ZNF519: variants seen among roughly 807,000 people sequenced by gnomAD.
ZNF519 encodes similar to Zinc finger protein 85 (Zinc finger protein HPF4) (HTF1).
A neutral mutation model predicts 7.4 loss-of-function variants in ZNF519; 7 were observed. The ratio of observed to expected loss-of-function variants is 0.94; its 90% CI spans 0.54 to 1.77. ZNF519 has a LOEUF of 1.77. Ranked by LOEUF, ZNF519 falls within the 40% of genes most tolerant of loss-of-function variation. The pLI is 0.00. For missense variants in ZNF519, 586 were observed against 623.1 expected, an observed-to-expected ratio of 0.94 and a Z score of 0.63; for synonymous variants, 179 against 203.3, an observed-to-expected ratio of 0.88 and a Z score of 1.02.
In ZNF519 at chr18:14,120,355, A is replaced by G. The variant is rs1182418722; in HGVS notation, c.130+3995T>C. ...AAACTAGATATCCACAAGCAAAAGA[A>G]TATAATTAGATTATTTTCTTTGACC... On this transcript the variant is annotated intron_variant, in intron 2 of 2. Coordinates refer to ENST00000590202, the MANE Select transcript of ZNF519 (RefSeq NM_145287.4). 2.0e-5 allele frequency among the ~76,000 whole-genome samples: 3 copies of G among 152,146 alleles called. 1 individual carries two copies. In the South Asian group the frequency reaches 6.2e-4, roughly 32 times the overall value.
chr18:14,079,306 G>A (rs1032992583), intron 3 of ZNF519, among the ~76,000 whole-genome samples: 2 of 152,168 alleles, frequency 1.3e-5, no homozygotes, highest in Non-Finnish European at 2.9e-5. Flanking sequence ...TCATAGATAG[G>A]AAGACAATAT....
At position 14,105,095 on chromosome 18, in the gene ZNF519, T is replaced by C; in HGVS notation, c.1445A>G (p.His482Arg). 3 of 1,612,930 alleles carry C rather than the reference T, an allele frequency of 1.9e-6. No individual in the cohort carries two copies. Among genetic ancestry groups the C allele is most frequent in the Non-Finnish European group, 2.5e-6 (3 of 1,179,520 alleles). The part of the protein sequence containing the change: ...GSHLTQHQRV[H>R]TGEKFFKCKE... ...ACATTTGAAGAATTTCTCTCCAGTA[T>C]GGACTCTCTGATGTTGAGTAAGGTG... The change falls in exon 3 of 3, where the codon CAT becomes CGT. Residue 482 changes from histidine (H) to arginine (R), a missense_variant. Physicochemically the swap from His to Arg is conservative, Grantham distance 29. Transcript: ENST00000590202.
At chr18:14,116,004 T>C (rs1365481742) in intron 2 of ZNF519, among the ~76,000 whole-genome samples, 3 of 152,244 alleles carry the variant, frequency 2.0e-5, no homozygotes, top group Admixed American at 6.5e-5. Flanking sequence ...GTTTGTTATA[T>C]AGGTAAACTT....
At chr18:14,072,129 T>C (rs1198469140), downstream of ZNF519, 7 of 152,210 alleles carry the variant, frequency 4.6e-5, no homozygotes, top group Non-Finnish European at 1.0e-4. Context: ...CTTATGTGGT[T>C]TGCAATAATT....
downstream of ZNF519, among the ~76,000 whole-genome samples, chr18:14,099,651 C>T (rs2046151151): frequency 6.6e-6 from 1 of 152,154 alleles, no homozygotes; most frequent in African/African-American, 2.4e-5. Flanking sequence ...GATATTTTAA[C>T]ACAAAAGGAG....
At chr18:14,092,752 C>T (rs1012771724) in intron 2 of ZNF519, among the ~76,000 whole-genome samples, 3 of 152,182 alleles carry the variant, frequency 2.0e-5, no homozygotes, top group African/African-American at 7.2e-5. Flanking sequence ...ATTCTCTCCT[C>T]GACCGAGTTC....
chr18:14,074,518 C>T (rs74495233), downstream of ZNF519: 6,266 of 154,238 alleles, frequency 0.041, 152 homozygotes, highest in East Asian at 0.13. Flanking sequence ...GAATGCTTTG[C>T]TGCTTAGAAA....
intron 2 of ZNF519, among the ~76,000 whole-genome samples, chr18:14,116,659 T>A (rs1419687009): frequency 6.6e-6 from 1 of 152,192 alleles, no homozygotes; most frequent in Non-Finnish European, 1.5e-5. Flanking sequence ...AAAAACTGTC[T>A]TGAATGAGTT....
At chr18:14,089,873 G>A (rs1182085457) in intron 2 of ZNF519, 1 of 152,244 alleles carries the variant, frequency 6.6e-6, no homozygotes, top group Non-Finnish European at 1.5e-5. Context: ...GTTGATGGCT[G>A]GGTTTCAGGT....
intron 1 of ZNF519, 121 bp from the exon 2 acceptor site, chr18:14,124,597 A>T (rs545034607): frequency 1.6e-6 from 2 of 1,227,906 alleles, no homozygotes; most frequent in South Asian, 2.8e-5. Flanking sequence ...CTTTTAACAC[A>T]GTAATGTTCT....
intron 1 of ZNF519, among the ~76,000 whole-genome samples, chr18:14,128,027 C>T (rs1598524424): frequency 2.0e-5 from 3 of 152,128 alleles, no homozygotes; most frequent in East Asian, 1.9e-4. Flanking sequence ...CGGTGGCTTA[C>T]GCCTGTAATC....
chr18:14,127,434 T>C (rs1191073243), intron 1 of ZNF519, among the ~76,000 whole-genome samples: 26 of 152,292 alleles, frequency 1.7e-4, no homozygotes, highest in African/African-American at 5.8e-4. Flanking sequence ...CTCTGCATTC[T>C]TGGGGGTTAC....
chr18:14,131,893 T>C lies in ZNF519; in HGVS notation c.3+382A>G, dbSNP rs544623941. On this transcript the variant is annotated intron_variant, in intron 1 of 2. Transcript: ENST00000590202. Reference sequence around the variant, plus strand: ...CCATTAATTAATCACTGTTTACTCATATAAGCTGTCTATGTTTTAATGGCG... The same window carrying C: ...CCATTAATTAATCACTGTTTACTCACATAAGCTGTCTATGTTTTAATGGCG... 1.2e-4 allele frequency among the ~76,000 whole-genome samples: 19 copies of C among 152,350 alleles called. 1 individual carries two copies. The highest frequency in any genetic ancestry group is 7.7e-4 in the East Asian group (4 of 5,176).
chr18:14,128,081 A>T (rs1356088598), intron 1 of ZNF519, among the ~76,000 whole-genome samples: 2 of 151,934 alleles, frequency 1.3e-5, no homozygotes, highest in East Asian at 3.9e-4. Flanking sequence ...CGAGGTCAGG[A>T]GATCGAGACC....
At chr18:14,115,025 T>C (rs547600225) in intron 2 of ZNF519, among the ~76,000 whole-genome samples, 3 of 152,222 alleles carry the variant, frequency 2.0e-5, no homozygotes, top group Non-Finnish European at 2.9e-5. Context: ...TCTTCATTTC[T>C]TCATAGATAT....
At chr18:14,096,985 A>T (rs189687245), downstream of ZNF519, among the ~76,000 whole-genome samples, 62 of 152,160 alleles carry the variant, frequency 4.1e-4, no homozygotes, top group Non-Finnish European at 7.1e-4. Flanking sequence ...ATTTTTCTCC[A>T]ACTCTTTCTC....
At chr18:14,076,171 T>C (rs1471772793) in exon 5 of ZNF519, 1 of 152,198 alleles carries the variant, frequency 6.6e-6, no homozygotes, top group African/African-American at 2.4e-5. Context: ...TAGTCAGTCT[T>C]TTCTAAAACT....
chr18:14,093,909 C>T (rs1428736882), intron 2 of ZNF519, among the ~76,000 whole-genome samples: 1 of 152,234 alleles, frequency 6.6e-6, no homozygotes, highest in East Asian at 1.9e-4. Flanking sequence ...ATGAAAAAAC[C>T]ATCAGTCTGA....
At chr18:14,078,460 A>G (rs2046057366) in intron 3 of ZNF519, among the ~76,000 whole-genome samples, 1 of 152,222 alleles carries the variant, frequency 6.6e-6, no homozygotes, top group South Asian at 2.1e-4. Flanking sequence ...TTTATCAAAT[A>G]GTCCCTTTCA....
Sources: gnomAD v4.1 joint callset for allele counts (sites outside exome capture counted in the v4.1 genomes callset) on GRCh38, gnomAD v4.1.1 for gene constraint, MANE v1.5 for transcripts, NCBI Gene and HGNC (gene_info 2026-07-23, HGNC 2026-07-21) for gene names.